The following CDC14B variants were observed in gnomAD, a reference collection of about 807,000 sequenced individuals.
CDC14B encodes cell division cycle 14B, also known as dual specificity protein phosphatase CDC14B.
CDC14B carries 22 observed loss-of-function variants against 64.2 expected under a neutral mutation model. The observed-to-expected ratio is 0.34, with a 90% CI of 0.24 to 0.49. The LOEUF (loss-of-function observed/expected upper bound fraction) is 0.49, where lower values mean the gene tolerates loss of function less well. Ranked by LOEUF, CDC14B falls within the 20% of genes least tolerant of loss-of-function variation. The pLI is 0.99. For missense variants in CDC14B, 498 were observed against 629.9 expected, an observed-to-expected ratio of 0.79 and a Z score of 2.24; for synonymous variants, 191 against 215.8, an observed-to-expected ratio of 0.89 and a Z score of 1.01.
chr9:96,550,210 T>G (rs2132030886), intron 5 of CDC14B, among the ~76,000 whole-genome samples: 1 of 152,324 alleles, frequency 6.6e-6, no homozygotes, highest in East Asian at 1.9e-4. Flanking sequence ...TATTTCCCCC[T>G]CTTCCCTTCC....
At chr9:96,539,026 TA>T (rs1403298426) in intron 7 of CDC14B, 51 bp downstream of exon 7, 9 of 1,181,500 alleles carry the variant, frequency 7.6e-6, no homozygotes, top group Non-Finnish European at 1.1e-5. Flanking sequence ...TTCCCCTCAA[TA>T]AAGCTGGGCG....
intron 9 of CDC14B, among the ~76,000 whole-genome samples, chr9:96,527,638 T>C (rs370001239): frequency 6.6e-6 from 1 of 151,844 alleles, no homozygotes; most frequent in Non-Finnish European, 1.5e-5. Context: ...TTTTTTGAGA[T>C]GGAGTCTTGC....
Position 96,515,254 on chromosome 9 carries a change from T to C in CDC14B, c.1344-5465A>G, listed in dbSNP as rs373175614. On this transcript the variant is annotated intron_variant, in intron 12 of 13. Transcript: ENST00000375241. This position sits in a 1 kb window ranked among gnomAD's most constrained non-coding sequence, Gnocchi z 4.3. Reference sequence around the variant, plus strand: ...TAGACTGGGAAGGACATACTCAAGATACAGAAAACTAGAGGGAAATTGTAT... The same window carrying C: ...TAGACTGGGAAGGACATACTCAAGACACAGAAAACTAGAGGGAAATTGTAT... 3.9e-5 allele frequency among the ~76,000 whole-genome samples: 6 copies of C among 152,176 alleles called. No individual in the cohort carries two copies. In the East Asian group the frequency reaches 9.6e-4, roughly 24 times the overall value.
At position 96,583,550 on chromosome 9, in the gene CDC14B, C is replaced by G. The variant is rs1054378611; in HGVS notation, c.161-18067G>C. 2.6e-5 allele frequency among the ~76,000 whole-genome samples: 4 copies of G among 151,572 alleles called. No homozygotes were observed. The South Asian group carries it at 8.4e-4, about 32-fold the overall frequency. ...TAGCTGGGACTACAGGTGCGCACCA[C>G]CACGCCTGGCTAGTTTTTGCATTTT... is the stretch of plus-strand genomic sequence containing the variant. On this transcript the variant is annotated intron_variant, in intron 1 of 13. Coordinates refer to ENST00000375241, the MANE Select transcript of CDC14B (RefSeq NM_033331.4).
intron 1 of CDC14B, among the ~76,000 whole-genome samples, chr9:96,587,029 C>T (rs551625026): frequency 1.1e-4 from 17 of 152,070 alleles, no homozygotes; most frequent in East Asian, 7.7e-4. Flanking sequence ...AAAAATTAAC[C>T]GGGCGTGTTG....
In CDC14B at chr9:96,501,850, A is replaced by C. The variant is rs1490550254; in HGVS notation, c.*1903T>G. 6.6e-6 allele frequency: 1 copy of C among 152,160 alleles called. No homozygotes were observed. Among genetic ancestry groups the C allele is most frequent in the African/African-American group, 2.4e-5 (1 of 41,414 alleles). 9.4% of individuals were successfully genotyped at this position (152,160 alleles called of 1,614,324 possible). A position where few individuals can be genotyped will look rare whatever the true frequency, so the allele number is the denominator to read the frequency against. On this transcript the variant is annotated 3_prime_UTR_variant, in exon 14 of 14. Transcript: ENST00000375241. ...CACAAGAGCTGTGGCGCCTACGTTT[A>C]CTTGTTCTGATGGGATGAAAAGCCA...
rs1368765834 is a variant in CDC14B at position 96,518,663 on chromosome 9, A to T, written c.1343+3843T>A. On this transcript the variant is annotated intron_variant, in intron 12 of 13. Coordinates refer to ENST00000375241, the MANE Select transcript of CDC14B (RefSeq NM_033331.4). Reference sequence around the variant, plus strand: ...CCCACAAAAAAAACAAGCTACTAATATACATAAAGATCACAGGGGTGAATA... The same window carrying T: ...CCCACAAAAAAAACAAGCTACTAATTTACATAAAGATCACAGGGGTGAATA... Among the ~76,000 whole-genome samples the T allele has an allele frequency of 3.3e-5, 5 of 152,192 alleles. No homozygotes were observed. The South Asian group carries it at 6.2e-4, about 19-fold the overall frequency.
chr9:96,538,018 C>A (rs1260750463), intron 7 of CDC14B, among the ~76,000 whole-genome samples: 1 of 152,190 alleles, frequency 6.6e-6, no homozygotes, highest in East Asian at 1.9e-4. Context: ...CTGCGCCTGG[C>A]AGATTTTTCC....
chr9:96,499,775 C>G (rs1473009648), downstream of CDC14B, among the ~76,000 whole-genome samples: 1 of 152,222 alleles, frequency 6.6e-6, no homozygotes. Flanking sequence ...AAGCCCCAAT[C>G]CAATCTGACT....
At chr9:96,529,476 G>A (rs181805640) in intron 9 of CDC14B, among the ~76,000 whole-genome samples, 7 of 147,306 alleles carry the variant, frequency 4.8e-5, no homozygotes, top group African/African-American at 1.8e-4. Flanking sequence ...GATTGATGTA[G>A]CTTTGTACTA....
intron 4 of CDC14B, among the ~76,000 whole-genome samples, chr9:96,560,061 T>C (rs1165859271): frequency 6.6e-6 from 1 of 151,922 alleles, no homozygotes; most frequent in Admixed American, 6.5e-5. Flanking sequence ...TATAAACTTA[T>C]CACACATTCT....
In CDC14B at chr9:96,500,879, C is replaced by T. The variant is rs149993411; in HGVS notation, c.*2874G>A. 670 of 124,528 alleles carry T rather than the reference C, an allele frequency of 5.4e-3. 2 individuals carry two copies. Among genetic ancestry groups the T allele is most frequent in the African/African-American group, 0.024 (633 of 26,616 alleles). The allele number at this position is 124,528 out of a possible 1,614,324, so 7.7% of individuals were successfully genotyped here. A position where few individuals can be genotyped will look rare whatever the true frequency, so the allele number is the denominator to read the frequency against. ...GGCCACACACAAGCCCAGGCCATCCCGCCCAGCCCAGCGAGCACACTGGCC... is the reference window on the plus strand; with the variant it reads ...GGCCACACACAAGCCCAGGCCATCCTGCCCAGCCCAGCGAGCACACTGGCC... On this transcript the variant is annotated 3_prime_UTR_variant, in exon 14 of 14. Coordinates refer to ENST00000375241, the MANE Select transcript of CDC14B (RefSeq NM_033331.4).
At chr9:96,571,553 G>A (rs1362907882) in intron 1 of CDC14B, among the ~76,000 whole-genome samples, 1 of 152,122 alleles carries the variant, frequency 6.6e-6, no homozygotes, top group Non-Finnish European at 1.5e-5. Context: ...AAAACTAGGA[G>A]AGACTTGGGG....
At chr9:96,618,535 G>A (rs1275039229) in intron 1 of CDC14B, 5 of 533,394 alleles carry the variant, frequency 9.4e-6, no homozygotes, top group Non-Finnish European at 1.9e-5. Context: ...TGACAACCCG[G>A]ACATTCGTCT....
At chr9:96,538,860 A>G (rs1165786382) in intron 7 of CDC14B, 2 of 480,258 alleles carry the variant, frequency 4.2e-6, no homozygotes, top group African/African-American at 4.0e-5. Context: ...GCTAGAGTAC[A>G]TCTCAGGTAT....
chr9:96,545,216 G>T (rs1840629014), intron 5 of CDC14B, among the ~76,000 whole-genome samples: 1 of 152,056 alleles, frequency 6.6e-6, no homozygotes, highest in Admixed American at 6.6e-5. Context: ...GCAGGAAAAT[G>T]AAGTACTTTA....
chr9:96,609,709 TAAATTGCAAA>T (rs1186844932), intron 1 of CDC14B, among the ~76,000 whole-genome samples: 1 of 152,216 alleles, frequency 6.6e-6, no homozygotes, highest in Non-Finnish European at 1.5e-5. Flanking sequence ...ATCAATGTCA[TAAATTGCAAA>T]GCAGTGCCAA....
At chr9:96,575,114 C>T (rs1844726457) in intron 1 of CDC14B, among the ~76,000 whole-genome samples, 2 of 152,176 alleles carry the variant, frequency 1.3e-5, no homozygotes, top group African/African-American at 4.8e-5. Context: ...GCTACATGTC[C>T]TCCGGAGATA....
At chr9:96,521,512 A>G (rs1836712646) in intron 12 of CDC14B, among the ~76,000 whole-genome samples, 1 of 152,236 alleles carries the variant, frequency 6.6e-6, no homozygotes, top group Admixed American at 6.5e-5. Flanking sequence ...GTAAAACTCA[A>G]TTCTTTGCCT....
Sources: gnomAD v4.1 joint callset for allele counts (sites outside exome capture counted in the v4.1 genomes callset) on GRCh38, gnomAD v4.1.1 for gene constraint, Gnocchi (gnomAD v3.1) non-coding constraint, MANE v1.5 for transcripts, NCBI Gene and HGNC (gene_info 2026-07-23, HGNC 2026-07-21) for gene names.